HDAC9: variants seen among roughly 807,000 people sequenced by gnomAD.
HDAC9 encodes the protein histone deacetylase 9, also known as MEF-2 interacting transcription repressor (MITR) protein.
HDAC9 carries 41 observed loss-of-function variants against 139.4 expected under a neutral mutation model. The ratio of observed to expected loss-of-function variants is 0.29; its 90% CI spans 0.23 to 0.38. The LOEUF (loss-of-function observed/expected upper bound fraction) is 0.38. HDAC9 is among the 10% of genes least tolerant of loss of function. The probability of loss-of-function intolerance (pLI) is 1.00; values close to 1 mark genes in which losing one functional copy is unlikely to be tolerated. For synonymous variants in HDAC9, 517 were observed against 476.2 expected, an observed-to-expected ratio of 1.09 and a Z score of -1.12; for missense variants, 1,147 against 1,297.0, an observed-to-expected ratio of 0.88 and a Z score of 1.78.
At chr7:18,336,763 C>T (rs1189197021) in intron 1 of HDAC9, among the ~76,000 whole-genome samples, 3 of 151,458 alleles carry the variant, frequency 2.0e-5, no homozygotes, top group Non-Finnish European at 4.4e-5. Context: ...GCCAATTGAA[C>T]GTTAAGTTCT....
chr7:18,410,658 G>A (rs988347321), intron 1 of HDAC9, among the ~76,000 whole-genome samples: 5 of 152,080 alleles, frequency 3.3e-5, no homozygotes, highest in Non-Finnish European at 7.4e-5. Flanking sequence ...ATGTGAGACA[G>A]TAGTACATAC....
At chr7:18,216,727 G>C (rs1792341517) in intron 2 of HDAC9, among the ~76,000 whole-genome samples, 1 of 152,054 alleles carries the variant, frequency 6.6e-6, no homozygotes, top group Non-Finnish European at 1.5e-5. Flanking sequence ...TATGCTGTTG[G>C]GTTTGGAATG....
chr7:18,588,618 A>G (rs1039478417), intron 3 of HDAC9, among the ~76,000 whole-genome samples: 2 of 152,210 alleles, frequency 1.3e-5, no homozygotes, highest in African/African-American at 4.8e-5. Context: ...GTTGTTTGGC[A>G]TCACTGTTGT....
In HDAC9 at chr7:18,763,803, C is replaced by G. The variant is rs1446650597; in HGVS notation, c.2164+1526C>G. Among the ~76,000 whole-genome samples the G allele has an allele frequency of 2.0e-5, 3 of 151,930 alleles. No homozygotes were observed. In the East Asian group the frequency reaches 5.8e-4, roughly 29 times the overall value. ...ATTTTTTAATTGAGTTAAGAAAAAA[C>G]AAGTAGAAAACCTCCCCCCACTTTT... On this transcript the variant is annotated intron_variant, in intron 15 of 25. Coordinates refer to ENST00000686413, the MANE Select transcript of HDAC9 (RefSeq NM_178425.4).
intron 24 of HDAC9, among the ~76,000 whole-genome samples, chr7:18,963,066 G>A (rs1783626810): frequency 6.6e-6 from 1 of 152,096 alleles, no homozygotes; most frequent in Admixed American, 6.6e-5. Flanking sequence ...CACTATAACA[G>A]GACTCTGCTA....
At chr7:18,854,416 C>A (rs1021200529) in intron 21 of HDAC9, among the ~76,000 whole-genome samples, 1 of 151,978 alleles carries the variant, frequency 6.6e-6, no homozygotes, top group African/African-American at 2.4e-5. Flanking sequence ...TTATGGGGTT[C>A]AAGGTAGTGA....
Position 18,376,744 on chromosome 7 carries a change from C to G in HDAC9, c.-42+86229C>G, listed in dbSNP as rs1337459566. 3.3e-5 allele frequency among the ~76,000 whole-genome samples: 5 copies of G among 152,166 alleles called. No homozygotes were observed. The East Asian group carries it at 9.8e-4, about 30-fold the overall frequency. ...TTAACACTGTATCTCTAGCCTAGAA[C>G]TTCTACTTTATGGTCACTTTAATTC... is the stretch of plus-strand genomic sequence containing the variant. On this transcript the variant is annotated intron_variant, in intron 1 of 3. Coordinates refer to the HDAC9 transcript ENST00000413509.
At chr7:18,240,001 A>G (rs1794086664) in intron 2 of HDAC9, among the ~76,000 whole-genome samples, 1 of 147,700 alleles carries the variant, frequency 6.8e-6, no homozygotes. Context: ...TTTGTCCAGG[A>G]CAGAAAACTT....
At chr7:18,177,969 TTC>T (rs1491157202) in intron 2 of HDAC9, among the ~76,000 whole-genome samples, 2 of 147,622 alleles carry the variant, frequency 1.4e-5, no homozygotes, top group Middle Eastern at 3.5e-3. Context: ...CATATCCCTT[TTC>T]TTTTTGCTTA....
chr7:18,132,411 T>C (rs887112433), intron 1 of HDAC9, among the ~76,000 whole-genome samples: 1 of 152,166 alleles, frequency 6.6e-6, no homozygotes, highest in Non-Finnish European at 1.5e-5. Flanking sequence ...TTTTTGTTTG[T>C]TTGTTTTTAA....
intron 21 of HDAC9, among the ~76,000 whole-genome samples, chr7:18,862,820 GA>G (rs1158289416): frequency 2.0e-5 from 3 of 151,988 alleles, no homozygotes; most frequent in Non-Finnish European, 4.4e-5. Context: ...TATGAAGACA[GA>G]AAGAGAAAAG....
chr7:18,772,748 C>G (rs528710788), intron 16 of HDAC9, among the ~76,000 whole-genome samples: 1 of 152,150 alleles, frequency 6.6e-6, no homozygotes, highest in Admixed American at 6.6e-5. Context: ...CAAGAACACC[C>G]CATGGCACCT....
At chr7:18,612,389 T>A (rs982034344) in intron 6 of HDAC9, among the ~76,000 whole-genome samples, 1 of 152,174 alleles carries the variant, frequency 6.6e-6, no homozygotes, top group Non-Finnish European at 1.5e-5. Flanking sequence ...TTTATCTTTT[T>A]TTAAGAATTA....
chr7:18,130,449 CT>C (rs1379227562), intron 1 of HDAC9, among the ~76,000 whole-genome samples: 4 of 152,136 alleles, frequency 2.6e-5, no homozygotes, highest in African/African-American at 4.8e-5. Flanking sequence ...GTTGTAGTTG[CT>C]TTTTTTGGTG....
chr7:18,763,075 TAAA>T (rs1354362837), intron 15 of HDAC9, among the ~76,000 whole-genome samples: 2 of 152,190 alleles, frequency 1.3e-5, no homozygotes, highest in African/African-American at 2.4e-5. Flanking sequence ...ATGTTTTAAC[TAAA>T]AAAGACATTT....
At chr7:18,210,290 A>T (rs983366269) in intron 2 of HDAC9, among the ~76,000 whole-genome samples, 15 of 152,198 alleles carry the variant, frequency 9.9e-5, no homozygotes, top group Non-Finnish European at 2.1e-4. Flanking sequence ...TTATAATTAG[A>T]TTGTTAATTT....
At chr7:18,495,706 A>G (rs1796764061), upstream of HDAC9, 2 of 982,874 alleles carry the variant, frequency 2.0e-6, no homozygotes, top group Non-Finnish European at 2.4e-6. Context: ...ATGGATTATC[A>G]CTCGCTTTAG....
intron 17 of HDAC9, 146 bp from the exon 18 acceptor site, chr7:18,829,015 G>A: frequency 1.5e-6 from 1 of 669,068 alleles, no homozygotes; most frequent in Non-Finnish European, 2.8e-6. Flanking sequence ...ACTGGCAATG[G>A]GGGAACAAAA....
At chr7:18,465,522 C>A (rs1794196793) in intron 1 of HDAC9, among the ~76,000 whole-genome samples, 1 of 152,102 alleles carries the variant, frequency 6.6e-6, no homozygotes, top group Admixed American at 6.5e-5. Flanking sequence ...TTTTAAAGAG[C>A]AGAATGTAAA....
Sources: gnomAD v4.1 joint callset for allele counts (sites outside exome capture counted in the v4.1 genomes callset) on GRCh38, gnomAD v4.1.1 for gene constraint, MANE v1.5 for transcripts, NCBI Gene and HGNC (gene_info 2026-07-23, HGNC 2026-07-21) for gene names.